The following QRICH1 variants were observed in gnomAD, a reference collection of about 807,000 sequenced individuals.
QRICH1 encodes transcriptional regulator QRICH1.
In QRICH1, 16 loss-of-function variants were observed where a neutral mutation model predicts 87.1. The ratio of observed to expected loss-of-function variants is 0.18; its 90% CI spans 0.12 to 0.28. The LOEUF is 0.28. Ranked by LOEUF, QRICH1 falls within the 10% of genes least tolerant of loss-of-function variation. The pLI is 1.00. For synonymous variants in QRICH1, 367 were observed against 368.4 expected, an observed-to-expected ratio of 1.00 and a Z score of 0.05; for missense variants, 647 against 951.7, an observed-to-expected ratio of 0.68 and a Z score of 4.21.
intron 3 of QRICH1, among the ~76,000 whole-genome samples, chr3:49,048,570 C>T (rs1281439562): frequency 6.6e-6 from 1 of 150,734 alleles, no homozygotes; most frequent in Non-Finnish European, 1.5e-5. Context: ...GGGTGGATCA[C>T]GAGGTCAAGA....
chr3:49,078,103 G>A (rs1169131883), intron 1 of QRICH1, among the ~76,000 whole-genome samples: 4 of 152,106 alleles, frequency 2.6e-5, no homozygotes, highest in Non-Finnish European at 5.9e-5. Context: ...GAAAACAAGC[G>A]AACGTTTTTG....
At chr3:49,043,209 T>G (rs931510930) in intron 6 of QRICH1, among the ~76,000 whole-genome samples, 1 of 151,966 alleles carries the variant, frequency 6.6e-6, no homozygotes, top group African/African-American at 2.4e-5. Context: ...AAACATAAAG[T>G]CTATTGGCTG....
rs768445760 is a variant in QRICH1, at chr3:49,032,612, C to T, written c.2047+10G>A. On this transcript the variant is annotated intron_variant, in intron 8 of 9. Transcript: ENST00000395443. The stretch of plus-strand genomic sequence containing the variant: ...CACCTGTTTTTGCCATCCCTGCCTC[C>T]TTTCCCTACCTTTCTGGCCAGTCTG... 1.9e-6 allele frequency: 3 copies of T among 1,559,674 alleles called. No individual in the cohort carries two copies. The highest frequency in any genetic ancestry group is 2.0e-5 in the Admixed American group (1 of 50,272).
At chr3:49,088,874 T>G (rs993432956) in intron 1 of QRICH1, among the ~76,000 whole-genome samples, 1 of 151,886 alleles carries the variant, frequency 6.6e-6, no homozygotes, top group Non-Finnish European at 1.5e-5. Flanking sequence ...TCCTCCCACC[T>G]TGGCCTCCCA....
chr3:49,076,733 C>A lies in QRICH1; in HGVS notation c.285G>T (p.Gln95His). Residue 95 changes from glutamine to histidine, a missense_variant, in exon 2 of 10, where the codon CAG becomes CAT. This residue lies in a region of QRICH1 where 156 missense variants were observed against 164.5 expected (regional missense o/e 0.95). Transcript: ENST00000395443. The part of the protein sequence containing the change: ...QPQTQQEQQI[Q>H]VQQPQQVQVQ... ...CCTGAACCTGCTGCGGCTGCTGAACCTGGATCTGCTGTTCTTGCTGGGTTT... is the reference window on the plus strand; with the variant it reads ...CCTGAACCTGCTGCGGCTGCTGAACATGGATCTGCTGTTCTTGCTGGGTTT... The A allele has an allele frequency of 1.3e-6, 2 of 1,585,878 alleles. No homozygotes were observed. The highest frequency in any genetic ancestry group is 1.7e-6 in the Non-Finnish European group (2 of 1,161,238).
chr3:49,080,177 G>C (rs988998853), intron 1 of QRICH1, among the ~76,000 whole-genome samples: 8 of 152,216 alleles, frequency 5.3e-5, no homozygotes, highest in African/African-American at 1.4e-4. Flanking sequence ...CCTCTACCAT[G>C]CTGGTACATA....
At chr3:49,041,111 G>C (rs1258348366) in intron 6 of QRICH1, among the ~76,000 whole-genome samples, 2 of 152,076 alleles carry the variant, frequency 1.3e-5, no homozygotes, top group Non-Finnish European at 2.9e-5. Context: ...GGGATTACAG[G>C]CACGTGCCAC....
chr3:49,087,752 T>C (rs1236347871), intron 1 of QRICH1, among the ~76,000 whole-genome samples: 3 of 125,504 alleles, frequency 2.4e-5, no homozygotes, highest in African/African-American at 6.0e-5. Flanking sequence ...CATGCGCCTG[T>C]AGTCCCAGCT....
At chr3:49,053,094 A>C (rs577566148) in intron 3 of QRICH1, among the ~76,000 whole-genome samples, 1 of 152,174 alleles carries the variant, frequency 6.6e-6, no homozygotes, top group Non-Finnish European at 1.5e-5. Context: ...AACATGTATG[A>C]TTCAGAGAGA....
chr3:49,091,350 A>C (rs914700857), intron 1 of QRICH1, among the ~76,000 whole-genome samples: 1 of 152,202 alleles, frequency 6.6e-6, no homozygotes, highest in African/African-American at 2.4e-5. Flanking sequence ...CAAGAAAGAA[A>C]TATGGCACAT....
intron 1 of QRICH1, among the ~76,000 whole-genome samples, chr3:49,092,837 C>T (rs1468957942): frequency 6.6e-6 from 1 of 152,126 alleles, no homozygotes; most frequent in Non-Finnish European, 1.5e-5. Context: ...TCTGCAATTT[C>T]AAAAAAGGTA....
intron 6 of QRICH1, among the ~76,000 whole-genome samples, chr3:49,038,638 T>C (rs9810318): frequency 0.84 from 128,167 of 152,132 alleles, 54,652 homozygotes; most frequent in East Asian, 1. Context: ...AGGCTGGTCT[T>C]GAACTCCTGA....
chr3:49,064,337 TTCAAGCGATTC>T (rs1321853073), intron 2 of QRICH1, among the ~76,000 whole-genome samples: 1 of 147,932 alleles, frequency 6.8e-6, no homozygotes, highest in Admixed American at 7.0e-5. Context: ...TCTTCCCGGG[TTCAAGCGATTC>T]TCTTAACCTC....
chr3:49,034,094 A>ATTATTG (rs2093259922), intron 6 of QRICH1, among the ~76,000 whole-genome samples: 1 of 150,498 alleles, frequency 6.6e-6, no homozygotes, highest in African/African-American at 2.4e-5. Context: ...TATTATTATT[A>ATTATTG]TTATTATTAT....
intron 2 of QRICH1, among the ~76,000 whole-genome samples, chr3:49,060,395 G>C (rs1006573088): frequency 1.3e-5 from 2 of 151,776 alleles, no homozygotes; most frequent in Non-Finnish European, 2.9e-5. Context: ...GGGTTTCACC[G>C]TGTTAGCCAG....
intron 2 of QRICH1, among the ~76,000 whole-genome samples, chr3:49,071,985 C>T (rs2041840351): frequency 6.6e-6 from 1 of 152,204 alleles, no homozygotes; most frequent in South Asian, 2.1e-4. Context: ...AGCCACCATG[C>T]CTGGGCCAGC....
chr3:49,051,586 C>G (rs1473258907), intron 3 of QRICH1, among the ~76,000 whole-genome samples: 14 of 38,276 alleles, frequency 3.7e-4, no homozygotes, highest in African/African-American at 7.5e-4. Context: ...CCCCCTGCGC[C>G]CCCCCCCCCC....
chr3:49,056,843 C>T lies in QRICH1; in HGVS notation c.1338+19G>A, dbSNP rs1464439954. Reference sequence around the variant, plus strand: ...CTGAGGGACCAGGCTGCCTGCCCTACTGATAAGTCTTCACTTACTGAACAA... The same window carrying T: ...CTGAGGGACCAGGCTGCCTGCCCTATTGATAAGTCTTCACTTACTGAACAA... On this transcript the variant is annotated intron_variant, in intron 3 of 9. Transcript: ENST00000395443. 2 of 1,614,072 alleles carry T rather than the reference C, an allele frequency of 1.2e-6. No individual in the cohort carries two copies. The highest frequency in any genetic ancestry group is 1.7e-6 in the Non-Finnish European group (2 of 1,180,042).
intron 1 of QRICH1, among the ~76,000 whole-genome samples, chr3:49,088,266 T>G (rs2042208333): frequency 6.6e-6 from 1 of 151,894 alleles, no homozygotes; most frequent in South Asian, 2.1e-4. Flanking sequence ...ATTGACGTAT[T>G]TCTATTCTTT....
Sources: allele counts gnomAD v4.1 joint callset (sites outside exome capture counted in the v4.1 genomes callset), GRCh38; gene constraint gnomAD v4.1.1; regional missense constraint gnomAD v4.1.1; transcripts MANE v1.5; gene names NCBI Gene and HGNC (gene_info 2026-07-23, HGNC 2026-07-21).